The following LRP2BP variants were observed in gnomAD, a reference collection of about 807,000 sequenced individuals.
The protein encoded by LRP2BP is LRP2 binding protein.
LRP2BP carries 38 observed loss-of-function variants against 45.2 expected under a neutral mutation model. That is an observed-to-expected ratio of 0.84 (90% CI 0.65 to 1.10). The LOEUF (loss-of-function observed/expected upper bound fraction) is 1.10. Among genes scored for constraint, LRP2BP ranks in the 50% least tolerant of loss-of-function variants. The pLI, the probability that LRP2BP is intolerant of heterozygous loss-of-function variation, is 0.00. For missense variants in LRP2BP, 385 were observed against 418.9 expected, an observed-to-expected ratio of 0.92 and a Z score of 0.71; for synonymous variants, 153 against 153.9, an observed-to-expected ratio of 0.99 and a Z score of 0.04.
At chr4:185,394,687 T>A in intron 1 of LRP2BP, 92 bp downstream of exon 1, 3 of 891,568 alleles carry the variant, frequency 3.4e-6, no homozygotes, top group Non-Finnish European at 4.0e-6. Flanking sequence ...ATTTTACACT[T>A]CTTAGAAATA....
intron 4 of LRP2BP, among the ~76,000 whole-genome samples, 158 bp downstream of exon 4, chr4:185,375,455 C>CAAAAAAAAAA (rs1193760497): frequency 1.4e-4 from 2 of 14,774 alleles, no homozygotes; most frequent in East Asian, 4.5e-3. Context: ...GACTCCGTCT[C>CAAAAAAAAAA]AAAAAAAAAA....
chr4:185,369,185 C>A (rs1223205185), intron 8 of LRP2BP, among the ~76,000 whole-genome samples: 4 of 149,836 alleles, frequency 2.7e-5, no homozygotes, highest in Admixed American at 2.7e-4. Context: ...TAGGATAGAA[C>A]CTGAAATCGG....
intron 7 of LRP2BP, among the ~76,000 whole-genome samples, chr4:185,371,722 C>T (rs968129477): frequency 6.6e-5 from 10 of 152,188 alleles, no homozygotes; most frequent in African/African-American, 2.2e-4. Context: ...GATTTAAAGT[C>T]TTAGTTCTAA....
intron 1 of LRP2BP, among the ~76,000 whole-genome samples, chr4:185,388,760 A>C (rs1280317460): frequency 1.3e-5 from 2 of 152,230 alleles, no homozygotes; most frequent in African/African-American, 4.8e-5. Context: ...GTTGCACAAC[A>C]AACATTTCCT....
chr4:185,387,430 C>T (rs2126836828), intron 1 of LRP2BP, among the ~76,000 whole-genome samples: 1 of 152,274 alleles, frequency 6.6e-6, no homozygotes, highest in East Asian at 1.9e-4. Flanking sequence ...AGAATTGCAC[C>T]CTTTTGCCAT....
intron 8 of LRP2BP, among the ~76,000 whole-genome samples, chr4:185,368,230 C>T (rs1236487711): frequency 6.6e-6 from 1 of 152,196 alleles, no homozygotes; most frequent in Admixed American, 6.5e-5. Context: ...TCCATGTACT[C>T]CAGAATCCTC....
intron 7 of LRP2BP, among the ~76,000 whole-genome samples, chr4:185,371,358 T>C (rs28637604): frequency 0.15 from 22,291 of 151,664 alleles, 1,832 homozygotes; most frequent in African/African-American, 0.22. Flanking sequence ...GCTAACATGG[T>C]GAAACCCCGT....
intron 3 of LRP2BP, among the ~76,000 whole-genome samples, chr4:185,376,572 G>A (rs188258609): frequency 3.9e-4 from 59 of 151,920 alleles, no homozygotes; most frequent in Non-Finnish European, 4.1e-4. Flanking sequence ...GGGATTACAG[G>A]CGTGAGCCAC....
chr4:185,366,626 CTTAT>C lies in LRP2BP; in HGVS notation c.*550_*553del, dbSNP rs1176665009. On this transcript the variant is annotated 3_prime_UTR_variant, in exon 9 of 9. Transcript: ENST00000505916. The stretch of plus-strand genomic sequence containing the variant: ...TTCAGAAGTAGAAATGCTGCACACA[CTTAT>C]TTAAGTTTAATTCTTTAAATGTCTT... 1.3e-5 allele frequency: 2 copies of C among 152,140 alleles called. No individual in the cohort carries two copies. The highest frequency in any genetic ancestry group is 4.8e-5 in the African/African-American group (2 of 41,422). 9.4% of individuals were successfully genotyped at this position (152,140 alleles called of 1,614,324 possible). A position where few individuals can be genotyped will look rare whatever the true frequency, so the allele number is the denominator to read the frequency against.
chr4:185,377,384 G>A (rs2095441662), intron 2 of LRP2BP: 2 of 187,438 alleles, frequency 1.1e-5, no homozygotes, highest in Admixed American at 5.5e-5. Context: ...AGGGCGTGGT[G>A]GTGCATGCCT....
chr4:185,366,153 A>ATAGGG lies in LRP2BP; in HGVS notation c.*1026_*1027insCCCTA, dbSNP rs2095387437. The ATAGGG allele has an allele frequency of 6.6e-6, 1 of 152,242 alleles. No homozygotes were observed. The highest frequency in any genetic ancestry group is 2.4e-5 in the African/African-American group (1 of 41,476). The allele number at this position is 152,242 out of a possible 1,614,324, so 9.4% of individuals were successfully genotyped here. A position where few individuals can be genotyped will look rare whatever the true frequency, so the allele number is the denominator to read the frequency against. On this transcript the variant is annotated 3_prime_UTR_variant, in exon 9 of 9. Transcript: ENST00000505916. ...ATATGTATATTTGTTTCACAAATGAATAGCCTTGTACAATCTTATGCATAT... is the reference window on the plus strand; with the variant it reads ...ATATGTATATTTGTTTCACAAATGAATAGGGTAGCCTTGTACAATCTTATGCATAT...
chr4:185,383,871 C>T (rs575985748), intron 1 of LRP2BP, among the ~76,000 whole-genome samples: 8 of 152,304 alleles, frequency 5.3e-5, no homozygotes, highest in South Asian at 2.1e-4. Flanking sequence ...CAGGCAGGTG[C>T]GCCGTGTTTT....
chr4:185,378,592 C>T, intron 1 of LRP2BP: 1 of 998,812 alleles, frequency 1.0e-6, no homozygotes, highest in Non-Finnish European at 1.2e-6. Context: ...GCCCTTGTAA[C>T]TGACACTCAT....
chr4:185,380,463 T>A (rs1359368524), intron 1 of LRP2BP, among the ~76,000 whole-genome samples: 1 of 152,150 alleles, frequency 6.6e-6, no homozygotes, highest in Non-Finnish European at 1.5e-5. Context: ...TTTCTGGTGA[T>A]GTCTGGTGTT....
At chr4:185,373,528 A>G (rs190635685) in intron 6 of LRP2BP, among the ~76,000 whole-genome samples, 116 of 152,364 alleles carry the variant, frequency 7.6e-4, no homozygotes, top group African/African-American at 2.7e-3. Context: ...CGCTGTATGT[A>G]GGCTCAAGCA....
chr4:185,378,803 G>T, intron 1 of LRP2BP: 1 of 985,458 alleles, frequency 1.0e-6, no homozygotes, highest in Non-Finnish European at 1.2e-6. Flanking sequence ...GGTTGGCCTA[G>T]GCTGAGGGTA....
chr4:185,368,741 G>C (rs936496339), intron 8 of LRP2BP, among the ~76,000 whole-genome samples: 2 of 152,000 alleles, frequency 1.3e-5, no homozygotes, highest in African/African-American at 4.8e-5. Flanking sequence ...GCAGAGTAAT[G>C]GGGCTATTTT....
chr4:185,375,362 A>T, intron 4 of LRP2BP, among the ~76,000 whole-genome samples: 1 of 145,054 alleles, frequency 6.9e-6, no homozygotes, highest in South Asian at 2.3e-4. Flanking sequence ...AGGCTGAGGC[A>T]GAAGAATCAC....
rs1049145570 is a variant in LRP2BP at position 185,395,358 on chromosome 4, C to A, written c.-601G>T. 2 of 985,176 alleles carry A rather than the reference C, an allele frequency of 2.0e-6. No homozygotes were observed. Among genetic ancestry groups the A allele is most frequent in the Non-Finnish European group, 2.4e-6 (2 of 829,902 alleles). 61.0% of individuals were successfully genotyped at this position (985,176 alleles called of 1,614,324 possible). The stretch of plus-strand genomic sequence containing the variant: ...AAAACTGTAAGAACGTGTCTGATAC[C>A]CTTTATTAGTTAGGAATTCCTGAAA... On this transcript the variant is annotated 5_prime_UTR_variant, in exon 1 of 9. Transcript: ENST00000505916.
Sources: allele counts gnomAD v4.1 joint callset (sites outside exome capture counted in the v4.1 genomes callset), GRCh38; gene constraint gnomAD v4.1.1; transcripts MANE v1.5; gene names NCBI Gene and HGNC (gene_info 2026-07-23, HGNC 2026-07-21).